Variants in IFT74 observed in about 807,000 individuals in gnomAD.
IFT74 encodes the protein intraflagellar transport protein 74 homolog.
In IFT74, 92 loss-of-function variants were observed where a neutral mutation model predicts 96.7. That is an observed-to-expected ratio of 0.95 (90% CI 0.80 to 1.13). The LOEUF is 1.13. Among genes scored for constraint, IFT74 ranks in the 50% most tolerant of loss-of-function variants. IFT74 has a pLI of 0.00. For missense variants in IFT74, 811 were observed against 698.2 expected, an observed-to-expected ratio of 1.16 and a Z score of -1.82; for synonymous variants, 223 against 213.2, an observed-to-expected ratio of 1.05 and a Z score of -0.40.
At chr9:27,030,101 A>G (rs1830053882) in intron 13 of IFT74, among the ~76,000 whole-genome samples, 2 of 152,168 alleles carry the variant, frequency 1.3e-5, no homozygotes, top group Admixed American at 1.3e-4. Flanking sequence ...GCTTCTCCCT[A>G]ATAAGAAAGA....
intron 1 of IFT74, among the ~76,000 whole-genome samples, chr9:26,950,407 C>G (rs1825896884): frequency 6.6e-6 from 1 of 152,014 alleles, no homozygotes; most frequent in African/African-American, 2.4e-5. Flanking sequence ...AAGCCTCTAC[C>G]ATAATTCTAA....
Position 27,016,920 on chromosome 9 carries a change from C to A in IFT74, c.803C>A (p.Ser268Tyr), listed in dbSNP as rs1829369761. The A allele has an allele frequency of 6.2e-7, 1 of 1,604,796 alleles. No homozygotes were observed. The highest frequency in any genetic ancestry group is 8.5e-7 in the Non-Finnish European group (1 of 1,175,990). The change falls in exon 11 of 20, where the codon TCC becomes TAC. Residue 268 changes from serine (S) to tyrosine (Y), a missense_variant. Coordinates refer to ENST00000380062, the MANE Select transcript of IFT74 (RefSeq NM_025103.4). ...KESLEAEIAH[S>Y]QVKQEAVLLH... is the part of the protein sequence containing the mutation. ...ATTTTCCTTTAGGAAATAGCTCACTCCCAGGTGAAACAGGAGGCGGTATTG... is the reference window on the plus strand; with the variant it reads ...ATTTTCCTTTAGGAAATAGCTCACTACCAGGTGAAACAGGAGGCGGTATTG...
At chr9:27,026,925 A>G (rs1829889508) in intron 12 of IFT74, among the ~76,000 whole-genome samples, 1 of 128,776 alleles carries the variant, frequency 7.8e-6, no homozygotes, top group South Asian at 2.8e-4. Context: ...CTAGAGCAAC[A>G]AGCACAAACA....
intron 2 of IFT74, chr9:26,976,679 A>G (rs186110115): frequency 1.4e-5 from 6 of 443,342 alleles, no homozygotes; most frequent in African/African-American, 6.1e-5. Flanking sequence ...AGAAAAAAGG[A>G]GAAGAAAGGC....
upstream of IFT74, among the ~76,000 whole-genome samples, chr9:26,951,799 T>G (rs1223163234): frequency 6.6e-6 from 1 of 152,080 alleles, no homozygotes; most frequent in East Asian, 1.9e-4. Flanking sequence ...CTCGGGAGCC[T>G]GAGGCAAAGA....
At chr9:27,057,399 C>T (rs1173051477) in intron 18 of IFT74, among the ~76,000 whole-genome samples, 1 of 152,044 alleles carries the variant, frequency 6.6e-6, no homozygotes, top group Non-Finnish European at 1.5e-5. Context: ...TATTGGTTGG[C>T]ACATAGTAGG....
intron 6 of IFT74, 51 bp from the exon 7 acceptor site, chr9:26,988,616 CAT>C (rs1214105116): frequency 7.6e-6 from 11 of 1,439,666 alleles, no homozygotes; most frequent in South Asian, 2.6e-5. Context: ...TTATAGAGAA[CAT>C]GTGTAAAGAC....
intron 13 of IFT74, chr9:27,036,772 GA>G: frequency 2.6e-6 from 3 of 1,152,842 alleles, no homozygotes; most frequent in Non-Finnish European, 2.1e-6. Context: ...CTCTCAACAA[GA>G]AAATAAAATT....
At chr9:26,969,770 C>T (rs552902517) in intron 2 of IFT74, among the ~76,000 whole-genome samples, 93 of 151,878 alleles carry the variant, frequency 6.1e-4, no homozygotes, top group Non-Finnish European at 7.1e-4. Context: ...TATTTTTATG[C>T]GTTTTTGTGA....
rs1820535182 is a variant in IFT74, at chr9:27,064,068, TA to T, written c.*1334del. 6.6e-6 allele frequency among the ~76,000 whole-genome samples: 1 copy of T among 152,162 alleles called. No homozygotes were observed. Among genetic ancestry groups the T allele is most frequent in the Admixed American group, 6.5e-5 (1 of 15,276 alleles). On this transcript the variant is annotated 3_prime_UTR_variant, in exon 20 of 20. Transcript: ENST00000380062. ...TCATAACCCTTAATATGCTAATGTA[TA>T]ATAAGCTCAAGAAGAATATATACTG...
At chr9:27,023,848 C>T (rs1422722172) in intron 12 of IFT74, among the ~76,000 whole-genome samples, 2 of 152,202 alleles carry the variant, frequency 1.3e-5, no homozygotes, top group East Asian at 1.9e-4. Flanking sequence ...AGCTGAGACA[C>T]GCCTAACCCT....
chr9:27,027,424 T>A (rs1182954328), intron 12 of IFT74, among the ~76,000 whole-genome samples: 1 of 152,164 alleles, frequency 6.6e-6, no homozygotes, highest in African/African-American at 2.4e-5. Context: ...TGTAATATAA[T>A]AAGAGCAGCA....
At chr9:26,999,079 G>A (rs911450665) in intron 8 of IFT74, among the ~76,000 whole-genome samples, 4 of 152,116 alleles carry the variant, frequency 2.6e-5, no homozygotes, top group African/African-American at 7.2e-5. Context: ...TCAAAGTTTG[G>A]TGTTTTAAAA....
intron 8 of IFT74, chr9:26,993,045 A>G (rs1587304704): frequency 6.6e-6 from 1 of 152,256 alleles, no homozygotes; most frequent in Admixed American, 6.5e-5. Flanking sequence ...TGCTTGAACT[A>G]ATGATTCTCT....
chr9:27,014,963 T>C (rs566335259), intron 10 of IFT74, among the ~76,000 whole-genome samples: 16 of 152,358 alleles, frequency 1.1e-4, no homozygotes, highest in South Asian at 4.1e-4. Flanking sequence ...ACCTGTCAGA[T>C]AGTGGTCAAT....
In IFT74 at chr9:27,062,804, C is replaced by CAAA; in HGVS notation, c.*79_*81dup. 1.3e-5 allele frequency: 8 copies of CAAA among 623,538 alleles called. No homozygotes were observed. Among genetic ancestry groups the CAAA allele is most frequent in the South Asian group, 4.4e-5 (2 of 45,040 alleles). The allele number at this position is 623,538 out of a possible 1,614,324, so 38.6% of individuals were successfully genotyped here. A position where few individuals can be genotyped will look rare whatever the true frequency, so the allele number is the denominator to read the frequency against. ...GCTAAACTTGGTACAAGTTGACTAC[C>CAAA]AAAAAAAAAAAAAGCTTACTTTTGG... On this transcript the variant is annotated 3_prime_UTR_variant, in exon 20 of 20. Transcript: ENST00000380062.
intron 8 of IFT74, among the ~76,000 whole-genome samples, chr9:26,991,991 C>T (rs531001314): frequency 1.3e-5 from 2 of 151,772 alleles, no homozygotes; most frequent in Non-Finnish European, 2.9e-5. Context: ...GTCGCGCCAT[C>T]GTGCCACTGC....
At chr9:27,010,343 A>G (rs1828994969) in intron 9 of IFT74, among the ~76,000 whole-genome samples, 1 of 151,830 alleles carries the variant, frequency 6.6e-6, no homozygotes, top group South Asian at 2.1e-4. Flanking sequence ...ACATACAATT[A>G]ATTACTGATA....
chr9:26,968,880 A>C (rs1826752652), intron 2 of IFT74, among the ~76,000 whole-genome samples: 1 of 136,266 alleles, frequency 7.3e-6, no homozygotes, highest in South Asian at 2.6e-4. Context: ...GTGTTTCATT[A>C]ATCTTTTATA....
Sources: gnomAD v4.1 joint callset for allele counts (sites outside exome capture counted in the v4.1 genomes callset) on GRCh38, gnomAD v4.1.1 for gene constraint, MANE v1.5 for transcripts, NCBI Gene and HGNC (gene_info 2026-07-23, HGNC 2026-07-21) for gene names.